Variants in SAAL1 observed in about 807,000 individuals in gnomAD.
The protein encoded by SAAL1 is serum amyloid A like 1, also known as protein SAAL1.
A neutral mutation model predicts 59.8 loss-of-function variants in SAAL1; 42 were observed. The observed-to-expected ratio is 0.70, with a 90% CI of 0.55 to 0.91. The LOEUF (loss-of-function observed/expected upper bound fraction) is 0.91. Among genes scored for constraint, SAAL1 ranks in the 40% least tolerant of loss-of-function variants. The probability of loss-of-function intolerance (pLI) is 0.00; values close to 1 mark genes in which losing one functional copy is unlikely to be tolerated. For missense variants in SAAL1, 542 were observed against 561.1 expected (o/e 0.97, Z 0.34); for synonymous variants, 191 against 194.3 (o/e 0.98, Z 0.14).
intron 2 of SAAL1, among the ~76,000 whole-genome samples, chr11:18,098,007 A>G (rs1361775797): frequency 1.3e-5 from 2 of 152,096 alleles, no homozygotes; most frequent in Non-Finnish European, 2.9e-5. Context: ...TTAGCTGGGC[A>G]TGGTGGTGTA....
intron 1 of SAAL1, among the ~76,000 whole-genome samples, chr11:18,104,782 A>C (rs1355320949): frequency 6.6e-6 from 1 of 152,228 alleles, no homozygotes; most frequent in African/African-American, 2.4e-5. Context: ...TGAGAAGATG[A>C]GGCTGGAAAA....
intron 3 of SAAL1, among the ~76,000 whole-genome samples, chr11:18,096,560 G>A (rs879625640): frequency 3.3e-5 from 5 of 152,012 alleles, no homozygotes; most frequent in Non-Finnish European, 7.4e-5. Flanking sequence ...TCCAAGCCCT[G>A]GAGACATAGT....
chr11:18,103,717 A>T (rs1048107265), intron 1 of SAAL1, among the ~76,000 whole-genome samples: 5 of 152,228 alleles, frequency 3.3e-5, no homozygotes. Context: ...CTCAACCCTG[A>T]ACCAGAGCAA....
At position 18,103,334 on chromosome 11, in the gene SAAL1, C is replaced by T. The variant is rs962338291; in HGVS notation, c.148G>A (p.Glu50Lys). ...TCATCTGAGCTAGATTTGGTGTTTT[C>T]AGGGCTAACAATCTTCAGAAACACA... ...LSGLIQIVSP[E>K]NTKSSSDDEE... Residue 50 changes from glutamate (E) to lysine (K), a missense_variant, in exon 2 of 12, where the codon GAA (glutamate) becomes AAA (lysine). By Grantham distance (56) the Glu-to-Lys change is moderately conservative. Transcript: ENST00000524803. 1.9e-6 allele frequency: 3 copies of T among 1,612,380 alleles called. No homozygotes were observed. In the African/African-American group the frequency reaches 4.0e-5, roughly 22 times the overall value.
intron 3 of SAAL1, 139 bp from the exon 4 acceptor site, chr11:18,092,463 T>C: frequency 1.6e-6 from 1 of 637,962 alleles, no homozygotes; most frequent in East Asian, 2.7e-5. Flanking sequence ...ATACATATAC[T>C]GCCTGTACCC....
intron 1 of SAAL1, among the ~76,000 whole-genome samples, chr11:18,104,397 T>A (rs1848666806): frequency 6.6e-6 from 1 of 151,882 alleles, no homozygotes; most frequent in Non-Finnish European, 1.5e-5. Context: ...GGCACTGGGG[T>A]AGATATACAA....
At chr11:18,099,210 T>C (rs1327341491) in intron 2 of SAAL1, among the ~76,000 whole-genome samples, 1 of 152,210 alleles carries the variant, frequency 6.6e-6, no homozygotes, top group Non-Finnish European at 1.5e-5. Flanking sequence ...CTCCAACTAC[T>C]GGGCTCAAGT....
At chr11:18,091,842 C>T (rs2134060110) in intron 4 of SAAL1, among the ~76,000 whole-genome samples, 1 of 152,320 alleles carries the variant, frequency 6.6e-6, no homozygotes, top group South Asian at 2.1e-4. Context: ...GCAAGTCTTA[C>T]ACTCTAAGTC....
chr11:18,106,002 T>C lies in SAAL1; in HGVS notation c.40A>G (p.Lys14Glu), dbSNP rs1385760501. The change falls in exon 1 of 12, where the codon AAG (lysine) becomes GAG (glutamate). Residue 14 changes from lysine (K) to glutamate (E), a missense_variant. Coordinates refer to ENST00000524803, the MANE Select transcript of SAAL1 (RefSeq NM_138421.3). ...CCGGCCACCTCCTCCTCCTCCTCCTTGTCGCGACCCGGCGGCGGCGGCGAG... is the reference window on the plus strand; with the variant it reads ...CCGGCCACCTCCTCCTCCTCCTCCTCGTCGCGACCCGGCGGCGGCGGCGAG... ...NPSPPPPGRDKEEEEEVAGGD... is the reference protein window; with the variant it reads ...NPSPPPPGRDEEEEEEVAGGD... The C allele has an allele frequency of 3.7e-6, 6 of 1,606,682 alleles. No individual in the cohort carries two copies. The highest frequency in any genetic ancestry group is 1.6e-4 in the Middle Eastern group (1 of 6,074).
intron 2 of SAAL1, among the ~76,000 whole-genome samples, chr11:18,101,560 C>T (rs943540999): frequency 1.3e-5 from 2 of 152,180 alleles, no homozygotes; most frequent in Admixed American, 1.3e-4. Flanking sequence ...CCTCCCCAGC[C>T]ATACTGAACT....
intron 11 of SAAL1, among the ~76,000 whole-genome samples, chr11:18,080,706 C>A (rs188731143): frequency 6.6e-6 from 1 of 152,290 alleles, no homozygotes; most frequent in African/African-American, 2.4e-5. Flanking sequence ...TGAGCTAGTA[C>A]TTCTCCCCCC....
chr11:18,083,659 T>C lies in SAAL1; in HGVS notation c.1115A>G (p.Asn372Ser). The change falls in exon 10 of 12, where the codon AAC becomes AGC. Residue 372 changes from asparagine (N) to serine (S), a missense_variant. Physicochemically the swap from Asn to Ser is conservative, Grantham distance 46. Coordinates refer to ENST00000524803, the MANE Select transcript of SAAL1 (RefSeq NM_138421.3). ...NMEQCQKKPE[N>S]SAESNTEETK... ...TTCCTCTGTGTTAGACTCTGCCGAG[T>C]TCTCTGGTTTTTTCTGACACTGTTC... is the stretch of plus-strand genomic sequence containing the variant. 2 of 1,611,722 alleles carry C rather than the reference T, an allele frequency of 1.2e-6. No individual in the cohort carries two copies. Among genetic ancestry groups the C allele is most frequent in the Admixed American group, 3.3e-5 (2 of 59,962 alleles).
intron 2 of SAAL1, among the ~76,000 whole-genome samples, chr11:18,100,887 T>C (rs964591849): frequency 2.0e-5 from 3 of 152,170 alleles, no homozygotes; most frequent in African/African-American, 7.2e-5. Context: ...CACAGACTTA[T>C]ATGTAAAACC....
rs769854166 is a variant in SAAL1 at position 18,089,949 on chromosome 11, T to G, written c.589+226A>C. Among the ~76,000 whole-genome samples, 110 of 152,052 alleles carry G rather than the reference T, an allele frequency of 7.2e-4. 2 individuals carry two copies. The highest frequency in any genetic ancestry group is 1.8e-4 in the Non-Finnish European group (12 of 67,990). The stretch of plus-strand genomic sequence containing the variant: ...ACTATAGTCCCAGCTATTGGGGAGA[T>G]TAACAGAAGGATACCTTGAGATCAG... On this transcript the variant is annotated intron_variant, in intron 6 of 11. Transcript: ENST00000524803.
intron 6 of SAAL1, 125 bp from the exon 7 acceptor site, chr11:18,089,635 T>C (rs1187881869): frequency 1.4e-6 from 1 of 712,950 alleles, no homozygotes; most frequent in African/African-American, 1.9e-5. Context: ...TTCTAAAGGG[T>C]GATTTACTTA....
At position 18,095,871 on chromosome 11, in the gene SAAL1, T is replaced by C. The variant is rs1848569943; in HGVS notation, c.333+900A>G. Among the ~76,000 whole-genome samples the C allele has an allele frequency of 1.3e-5, 2 of 152,160 alleles. 1 individual carries two copies. Among genetic ancestry groups the C allele is most frequent in the Non-Finnish European group, 2.9e-5 (2 of 68,030 alleles). ...GAAGGTGTGGAAGGAAAAGTACCACTGTGAATTAACAGATGCAAATACTGA... is the reference window on the plus strand; with the variant it reads ...GAAGGTGTGGAAGGAAAAGTACCACCGTGAATTAACAGATGCAAATACTGA... On this transcript the variant is annotated intron_variant, in intron 3 of 11. Coordinates refer to ENST00000524803, the MANE Select transcript of SAAL1 (RefSeq NM_138421.3).
At chr11:18,094,318 A>T (rs1848551143) in intron 3 of SAAL1, among the ~76,000 whole-genome samples, 1 of 152,204 alleles carries the variant, frequency 6.6e-6, no homozygotes, top group African/African-American at 2.4e-5. Context: ...TGTCCTCAAG[A>T]TGCAAAACCT....
intron 3 of SAAL1, among the ~76,000 whole-genome samples, chr11:18,093,443 T>C (rs777010244): frequency 1.8e-4 from 27 of 152,162 alleles, no homozygotes; most frequent in African/African-American, 1.7e-4. Context: ...GTTTTAGGCA[T>C]TGGGGGCCTT....
rs577867128 is a variant in SAAL1 at position 18,090,523 on chromosome 11, C to A, written c.414-30G>T. 94 of 1,589,616 alleles carry A rather than the reference C, an allele frequency of 5.9e-5. No individual in the cohort carries two copies. The South Asian group carries it at 9.8e-4, about 17-fold the overall frequency. On this transcript the variant is annotated intron_variant, in intron 4 of 11. Transcript: ENST00000524803. ...AAAAACAAAGAAGTTAACCGATATG[C>A]CTCACTTCTCGCATTTAAAATATCA... is the stretch of plus-strand genomic sequence containing the variant.
Sources: gnomAD v4.1 joint callset for allele counts (sites outside exome capture counted in the v4.1 genomes callset) on GRCh38, gnomAD v4.1.1 for gene constraint, MANE v1.5 for transcripts, NCBI Gene and HGNC (gene_info 2026-07-23, HGNC 2026-07-21) for gene names.